Variants in TRPC7 observed in about 807,000 individuals in gnomAD.
TRPC7 encodes transient receptor potential cation channel subfamily C member 7, also known as short transient receptor potential channel 7.
A neutral mutation model predicts 90.1 loss-of-function variants in TRPC7; 42 were observed. That is an observed-to-expected ratio of 0.47 (90% confidence interval 0.36 to 0.60). TRPC7 has a LOEUF of 0.60. Ranked by LOEUF, TRPC7 falls within the 20% of genes least tolerant of loss-of-function variation. TRPC7 has a pLI of 0.00. For synonymous variants in TRPC7, 451 were observed against 436.3 expected (o/e 1.03, Z -0.42); for missense variants, 955 against 1,112.3 (o/e 0.86, Z 2.01).
At chr5:136,246,244 C>T (rs186277340) in intron 7 of TRPC7, among the ~76,000 whole-genome samples, 4 of 152,240 alleles carry the variant, frequency 2.6e-5, no homozygotes, top group African/African-American at 9.6e-5. Context: ...GCTGCAGAGG[C>T]ACATGATGCT....
At chr5:136,220,692 C>T (rs185192768) in intron 10 of TRPC7, among the ~76,000 whole-genome samples, 287 of 152,274 alleles carry the variant, frequency 1.9e-3, no homozygotes, top group Non-Finnish European at 2.0e-3. Flanking sequence ...GCCTTGTGAT[C>T]TTTATTGGCC....
intron 7 of TRPC7, among the ~76,000 whole-genome samples, chr5:136,238,415 T>A (rs1301070778): frequency 1.3e-5 from 2 of 152,160 alleles, no homozygotes; most frequent in African/African-American, 4.8e-5. Flanking sequence ...TGTCAATGGA[T>A]GATGGAACGC....
intron 3 of TRPC7, among the ~76,000 whole-genome samples, chr5:136,314,663 T>G (rs1417238315): frequency 6.6e-6 from 1 of 152,130 alleles, no homozygotes; most frequent in Non-Finnish European, 1.5e-5. Context: ...AGGCACAAAT[T>G]AAGACACACA....
Position 136,231,561 on chromosome 5 carries a change from C to G in TRPC7, c.1845-12G>C. On this transcript the variant is annotated splice_polypyrimidine_tract_variant and intron_variant, in intron 7 of 11. Transcript: ENST00000513104. ...AACTTTCTTCAACCCTGCAAAGAAACAGACGGTCCTTTTACGCAGTTTGCA... is the reference window on the plus strand; with the variant it reads ...AACTTTCTTCAACCCTGCAAAGAAAGAGACGGTCCTTTTACGCAGTTTGCA... 1.9e-6 allele frequency: 3 copies of G among 1,576,952 alleles called. No homozygotes were observed. Among genetic ancestry groups the G allele is most frequent in the Non-Finnish European group, 2.6e-6 (3 of 1,155,882 alleles).
chr5:136,357,115 T>C lies in TRPC7; in HGVS notation c.273A>G (p.Leu91=). 6.2e-7 allele frequency: 1 copy of C among 1,614,112 alleles called. No individual in the cohort carries two copies. Among genetic ancestry groups the C allele is most frequent in the Non-Finnish European group, 8.5e-7 (1 of 1,180,000 alleles). ...ALQLAVGNEH[L]EVTELLLKKE... Reference sequence around the variant, plus strand: ...TCTTCAGCAGCAGCTCCGTGACCTCTAGGTGCTCGTTGCCCACGGCCAGCT... The same window carrying C: ...TCTTCAGCAGCAGCTCCGTGACCTCCAGGTGCTCGTTGCCCACGGCCAGCT... Residue 91 remains leucine (L), a synonymous_variant, in exon 2 of 12, where the codon CTA becomes CTG. Coordinates refer to ENST00000513104, the MANE Select transcript of TRPC7 (RefSeq NM_020389.3).
At chr5:136,250,248 T>C (rs1344718991) in intron 6 of TRPC7, among the ~76,000 whole-genome samples, 2 of 152,132 alleles carry the variant, frequency 1.3e-5, no homozygotes, top group Non-Finnish European at 2.9e-5. Flanking sequence ...CCCTACCACA[T>C]TTACATGTAA....
intron 3 of TRPC7, among the ~76,000 whole-genome samples, chr5:136,277,831 C>T (rs1757416084): frequency 6.6e-6 from 1 of 152,190 alleles, no homozygotes; most frequent in Non-Finnish European, 1.5e-5. Context: ...AAGCCTAGGC[C>T]ATTCCTGCCC....
chr5:136,241,090 A>G (rs1232654796), intron 7 of TRPC7, among the ~76,000 whole-genome samples: 1 of 152,110 alleles, frequency 6.6e-6, no homozygotes, highest in Non-Finnish European at 1.5e-5. Flanking sequence ...TGGCAAGGAC[A>G]AGTTGGGTGG....
intron 5 of TRPC7, among the ~76,000 whole-genome samples, chr5:136,263,423 A>C (rs1035491348): frequency 6.6e-6 from 1 of 152,242 alleles, no homozygotes; most frequent in Non-Finnish European, 1.5e-5. Context: ...ATTCAACCAA[A>C]AAATTACCAA....
At chr5:136,298,938 A>T (rs970523968) in intron 3 of TRPC7, among the ~76,000 whole-genome samples, 5 of 152,098 alleles carry the variant, frequency 3.3e-5, no homozygotes, top group African/African-American at 4.8e-5. Flanking sequence ...GAGGGCAGAG[A>T]CTATGCCTGG....
chr5:136,249,318 C>A (rs1479683877), intron 6 of TRPC7, among the ~76,000 whole-genome samples: 1 of 152,056 alleles, frequency 6.6e-6, no homozygotes, highest in Non-Finnish European at 1.5e-5. Context: ...GAAGCCAGGC[C>A]ACAAAGTTTC....
rs1756381717 is a variant in TRPC7, at chr5:136,247,590, A to C, written c.1725T>G (p.Thr575=). 1.2e-6 allele frequency: 2 copies of C among 1,613,886 alleles called. No individual in the cohort carries two copies. The highest frequency in any genetic ancestry group is 1.3e-5 in the African/African-American group (1 of 74,910). Reference sequence around the variant, plus strand: ...CCATGAACTTGAAGATATCTTTCACAGTTCTCCCTAGCGAGATCTGCAGGG... The same window carrying C: ...CCATGAACTTGAAGATATCTTTCACCGTTCTCCCTAGCGAGATCTGCAGGG... ...FGPLQISLGR[T]VKDIFKFMVI... The change falls in exon 7 of 12, where the codon ACT becomes ACG. Residue 575 remains threonine, a synonymous_variant. Transcript: ENST00000513104. The surrounding 1 kb of genome is among the most constrained non-coding windows in gnomAD (Gnocchi z 4.2).
In TRPC7 at chr5:136,358,115, C is replaced by G. The variant is rs78298164; in HGVS notation, c.3-730G>C. ...TCTGGTCCACACACAACCTAGGCACCTATTAAAGGGCAAGATGTGGCAGGG... is the reference window on the plus strand; with the variant it reads ...TCTGGTCCACACACAACCTAGGCACGTATTAAAGGGCAAGATGTGGCAGGG... On this transcript the variant is annotated intron_variant, in intron 1 of 11. Transcript: ENST00000513104. 9.0e-3 allele frequency among the ~76,000 whole-genome samples: 1,370 copies of G among 152,272 alleles called. 28 individuals are homozygous for G. Among genetic ancestry groups the G allele is most frequent in the African/African-American group, 0.031 (1,294 of 41,550 alleles).
chr5:136,253,698 G>A (rs968985947), intron 5 of TRPC7, among the ~76,000 whole-genome samples: 5 of 151,986 alleles, frequency 3.3e-5, no homozygotes, highest in East Asian at 3.8e-4. Context: ...CCCTCCCCTC[G>A]GGCCTCCTAT....
chr5:136,237,058 A>G (rs551423427), intron 7 of TRPC7, among the ~76,000 whole-genome samples: 2 of 152,188 alleles, frequency 1.3e-5, no homozygotes, highest in Non-Finnish European at 2.9e-5. Flanking sequence ...ATGGATAAAG[A>G]TCTTCTCAGA....
chr5:136,231,395 T>C lies in TRPC7; in HGVS notation c.1999A>G (p.Met667Val). The C allele has an allele frequency of 6.2e-7, 1 of 1,608,984 alleles. No individual in the cohort carries two copies. The highest frequency in any genetic ancestry group is 8.5e-7 in the Non-Finnish European group (1 of 1,175,914). The change falls in exon 8 of 12, where the codon ATG (methionine) becomes GTG (valine). Residue 667 changes from methionine to valine, a missense_variant. By Grantham distance (21) the Met-to-Val change is conservative. This residue lies in a region of TRPC7 where 296 missense variants were observed against 422.7 expected (regional missense o/e 0.70). Coordinates refer to ENST00000513104, the MANE Select transcript of TRPC7 (RefSeq NM_020389.3). ...GAGTTGTTTATCATGGCTATTAGCA[T>C]GTTGAGCAACACTACCACCATGGTG... is the stretch of plus-strand genomic sequence containing the variant. ...NVTMVVVLLN[M>V]LIAMINNSYQ...
At chr5:136,326,699 C>T (rs1759358089) in intron 2 of TRPC7, among the ~76,000 whole-genome samples, 1 of 152,122 alleles carries the variant, frequency 6.6e-6, no homozygotes, top group African/African-American at 2.4e-5. Flanking sequence ...TAACCACATT[C>T]ACCTTCCTGG....
intron 8 of TRPC7, among the ~76,000 whole-genome samples, chr5:136,228,622 AG>A (rs1755712260): frequency 8.1e-6 from 1 of 123,780 alleles, no homozygotes; most frequent in East Asian, 2.7e-4. Flanking sequence ...TTGCAGAGGC[AG>A]GGGGCTGGGG....
chr5:136,241,527 C>G (rs1009538622), intron 7 of TRPC7, among the ~76,000 whole-genome samples: 6 of 152,034 alleles, frequency 3.9e-5, no homozygotes, highest in Non-Finnish European at 7.4e-5. Flanking sequence ...CAGTCACCAG[C>G]TAGGGTGTGA....
Sources: gnomAD v4.1 joint callset for allele counts (sites outside exome capture counted in the v4.1 genomes callset) on GRCh38, gnomAD v4.1.1 for gene constraint, gnomAD v4.1.1 regional missense constraint, Gnocchi (gnomAD v3.1) non-coding constraint, MANE v1.5 for transcripts, NCBI Gene and HGNC (gene_info 2026-07-23, HGNC 2026-07-21) for gene names.